MARCHF6: variants seen among roughly 807,000 people sequenced by gnomAD.
The protein encoded by MARCHF6 is E3 ubiquitin-protein ligase MARCHF6.
Under a neutral mutation model 133.7 loss-of-function variants are expected in MARCHF6, and 31 were observed. The ratio of observed to expected loss-of-function variants is 0.23; its 90% CI spans 0.17 to 0.31. The LOEUF is 0.31. Ranked by LOEUF, MARCHF6 falls within the 10% of genes least tolerant of loss-of-function variation. MARCHF6 has a pLI of 1.00. For missense variants in MARCHF6, 723 were observed against 1,121.6 expected (o/e 0.64, Z 5.08); for synonymous variants, 395 against 402.5 (o/e 0.98, Z 0.22).
chr5:10,396,072 G>C (rs1459080426), intron 9 of MARCHF6, among the ~76,000 whole-genome samples: 1 of 152,126 alleles, frequency 6.6e-6, no homozygotes, highest in Non-Finnish European at 1.5e-5. Flanking sequence ...AAAAACCTTC[G>C]ACAGGATGAA....
In MARCHF6 at chr5:10,397,349, G is replaced by T; in HGVS notation, c.913+5G>T. ...CACTGTTCATTCTTGTTTTTGGTAA[G>T]TTGTGTTTGTGCTTTTTTTTTTTAT... On this transcript the variant is annotated splice_donor_5th_base_variant and intron_variant, in intron 10 of 25. Transcript: ENST00000274140. The T allele has an allele frequency of 6.4e-7, 1 of 1,570,108 alleles. No individual in the cohort carries two copies. The highest frequency in any genetic ancestry group is 8.6e-7 in the Non-Finnish European group (1 of 1,163,538).
At chr5:10,372,066 CAA>C (rs536138204) in intron 1 of MARCHF6, among the ~76,000 whole-genome samples, 9 of 116,654 alleles carry the variant, frequency 7.7e-5, no homozygotes, top group African/African-American at 9.7e-5. Flanking sequence ...GTGAGTAGGC[CAA>C]AAAAAAAAAA....
At chr5:10,380,926 CAAA>C (rs200519303) in intron 3 of MARCHF6, among the ~76,000 whole-genome samples, 9 of 98,376 alleles carry the variant, frequency 9.1e-5, no homozygotes, top group African/African-American at 1.2e-4. Flanking sequence ...GACTCTGACT[CAAA>C]AAAAAAAAAA....
chr5:10,369,674 C>T (rs1182086663), intron 1 of MARCHF6, among the ~76,000 whole-genome samples: 2 of 141,616 alleles, frequency 1.4e-5, no homozygotes, highest in African/African-American at 5.2e-5. Context: ...CAGCCCCTGG[C>T]AACTACTGAT....
intron 25 of MARCHF6, 79 bp from the exon 26 acceptor site, chr5:10,433,515 G>A (rs1740468355): frequency 1.8e-6 from 2 of 1,101,452 alleles, no homozygotes; most frequent in Admixed American, 3.5e-5. Flanking sequence ...TTAAGTAGGA[G>A]TTAGATTTAA....
At chr5:10,384,912 A>G (rs1373737650) in intron 4 of MARCHF6, among the ~76,000 whole-genome samples, 1 of 152,222 alleles carries the variant, frequency 6.6e-6, no homozygotes, top group African/African-American at 2.4e-5. Flanking sequence ...TGACCACAGC[A>G]GTTTTATTAA....
In MARCHF6 at chr5:10,353,819, CCCT is replaced by C; in HGVS notation, c.-72_-70del. 1.5e-6 allele frequency: 2 copies of C among 1,359,288 alleles called. No homozygotes were observed. Among genetic ancestry groups the C allele is most frequent in the East Asian group, 2.7e-5 (1 of 37,166 alleles). 84.2% of individuals were successfully genotyped at this position (1,359,288 alleles called of 1,614,324 possible). A position where few individuals can be genotyped will look rare whatever the true frequency, so the allele number is the denominator to read the frequency against. Reference sequence around the variant, plus strand: ...CGTACGCACCTGCCCGGGCCCGGCTCCCTCCTCCTCTCCCCTCCCTCTTTCCCC... The same window carrying C: ...CGTACGCACCTGCCCGGGCCCGGCTCCCTCCTCTCCCCTCCCTCTTTCCCC... On this transcript the variant is annotated 5_prime_UTR_variant, in exon 1 of 26. Transcript: ENST00000274140.
chr5:10,397,739 TG>T (rs1339428925), intron 10 of MARCHF6, among the ~76,000 whole-genome samples: 4 of 152,200 alleles, frequency 2.6e-5, no homozygotes, highest in Admixed American at 2.6e-4. Flanking sequence ...GATCTTGACT[TG>T]GGAGCTGTTA....
intron 7 of MARCHF6, among the ~76,000 whole-genome samples, chr5:10,392,347 A>G (rs928548489): frequency 7.9e-5 from 12 of 152,224 alleles, no homozygotes; most frequent in African/African-American, 2.7e-4. Flanking sequence ...ACTTTGATAC[A>G]GATTCACCTC....
intron 4 of MARCHF6, among the ~76,000 whole-genome samples, chr5:10,382,844 AT>A (rs1040582172): frequency 4.1e-4 from 62 of 152,128 alleles, no homozygotes; most frequent in African/African-American, 1.5e-3. Context: ...TACAAATAAA[AT>A]TTAAAAATAC....
intron 1 of MARCHF6, among the ~76,000 whole-genome samples, chr5:10,361,776 T>A (rs1331591177): frequency 3.3e-5 from 5 of 152,128 alleles, no homozygotes; most frequent in African/African-American, 4.8e-5. Context: ...TATCTTTTTT[T>A]TTTTGAGACG....
chr5:10,394,015 A>T (rs1159186864), intron 7 of MARCHF6, 67 bp from the exon 8 acceptor site: 2 of 952,158 alleles, frequency 2.1e-6, no homozygotes, highest in Non-Finnish European at 3.0e-6. Context: ...TTTTTAGTGC[A>T]TTCTATTTTT....
intron 23 of MARCHF6, among the ~76,000 whole-genome samples, chr5:10,425,320 G>A (rs1449519423): frequency 1.3e-5 from 2 of 152,168 alleles, no homozygotes; most frequent in Admixed American, 6.5e-5. Flanking sequence ...GGATCAGAGT[G>A]CAGGCCAGTA....
rs547251115 is a variant in MARCHF6, at chr5:10,392,623, G to A, written c.766+892G>A. Among the ~76,000 whole-genome samples, 32 of 152,124 alleles carry A rather than the reference G, an allele frequency of 2.1e-4. 1 individual carries two copies. In the South Asian group the frequency reaches 4.1e-3, roughly 20 times the overall value. On this transcript the variant is annotated intron_variant, in intron 7 of 25. Coordinates refer to ENST00000274140, the MANE Select transcript of MARCHF6 (RefSeq NM_005885.4). Reference sequence around the variant, plus strand: ...ACAAAAATTAGCTGGGTGTGGTGGCGCACGCCTGTAATCCCATCTACTTGG... The same window carrying A: ...ACAAAAATTAGCTGGGTGTGGTGGCACACGCCTGTAATCCCATCTACTTGG...
intron 15 of MARCHF6, 64 bp downstream of exon 15, chr5:10,403,605 G>C (rs1164112312): frequency 6.2e-6 from 9 of 1,442,106 alleles, no homozygotes. Context: ...TTCACCACCA[G>C]TCATGTCTCA....
In MARCHF6 at chr5:10,437,965, C is replaced by G. The variant is rs1046983626; in HGVS notation, c.*4281C>G. The G allele has an allele frequency of 6.5e-6, 1 of 152,756 alleles. No homozygotes were observed. The highest frequency in any genetic ancestry group is 1.5e-5 in the Non-Finnish European group (1 of 68,026). 9.5% of individuals were successfully genotyped at this position (152,756 alleles called of 1,614,324 possible). A position where few individuals can be genotyped will look rare whatever the true frequency, so the allele number is the denominator to read the frequency against. ...GTTATAATAGGAAGGAAAAACAACTCCAGTTAAATGTGACTGTGGCGACTC... is the reference window on the plus strand; with the variant it reads ...GTTATAATAGGAAGGAAAAACAACTGCAGTTAAATGTGACTGTGGCGACTC... On this transcript the variant is annotated 3_prime_UTR_variant, in exon 26 of 26. Transcript: ENST00000274140.
intron 10 of MARCHF6, among the ~76,000 whole-genome samples, chr5:10,399,701 C>T (rs1053985867): frequency 6.6e-6 from 1 of 152,024 alleles, no homozygotes; most frequent in African/African-American, 2.4e-5. Flanking sequence ...CTGGGTTGTC[C>T]CTTACATACC....
chr5:10,398,520 G>A (rs573515613), intron 10 of MARCHF6, among the ~76,000 whole-genome samples: 2 of 151,408 alleles, frequency 1.3e-5, no homozygotes, highest in South Asian at 4.2e-4. Flanking sequence ...ATGTTATCCT[G>A]CATTTATTTT....
At chr5:10,403,643 C>A in intron 15 of MARCHF6, 102 bp downstream of exon 15, 1 of 1,050,292 alleles carries the variant, frequency 9.5e-7, no homozygotes, top group Non-Finnish European at 1.3e-6. Flanking sequence ...CTACCTAAAT[C>A]ATATTCTCTA....
Sources: gnomAD v4.1 joint callset for allele counts (sites outside exome capture counted in the v4.1 genomes callset) on GRCh38, gnomAD v4.1.1 for gene constraint, MANE v1.5 for transcripts, NCBI Gene and HGNC (gene_info 2026-07-23, HGNC 2026-07-21) for gene names.